SPTB: variants seen among roughly 807,000 people sequenced by gnomAD.
SPTB encodes the protein spectrin beta, erythrocytic, also known as spectrin beta chain, erythrocytic.
SPTB carries 45 observed loss-of-function variants against 256.2 expected under a neutral mutation model. The observed-to-expected ratio is 0.18, with a 90% CI of 0.14 to 0.23. The LOEUF is 0.23. SPTB is among the 10% of genes least tolerant of loss of function. The pLI, the probability that SPTB is intolerant of heterozygous loss-of-function variation, is 1.00. For missense variants in SPTB, 2,715 were observed against 3,040.4 expected, an observed-to-expected ratio of 0.89 and a Z score of 2.52; for synonymous variants, 1,231 against 1,243.1, an observed-to-expected ratio of 0.99 and a Z score of 0.21.
rs2082763132 is a variant in SPTB, at chr14:64,796,054, C to G, written c.1342-415G>C. 6.6e-6 allele frequency among the ~76,000 whole-genome samples: 1 copy of G among 152,174 alleles called. No individual in the cohort carries two copies. On this transcript the variant is annotated intron_variant, in intron 11 of 35. Coordinates refer to ENST00000644917, the MANE Select transcript of SPTB (RefSeq NM_001355436.2). This position sits in a 1 kb window ranked among gnomAD's most constrained non-coding sequence, Gnocchi z 4.1. ...GCTATCTGGGGTGCGCATACACTCT[C>G]CAGTGCTCTCAGAATACTTGTTGCC...
chr14:64,808,437 T>C (rs994282486), intron 2 of SPTB, among the ~76,000 whole-genome samples: 1 of 152,158 alleles, frequency 6.6e-6, no homozygotes. Flanking sequence ...AATTATTGTC[T>C]GAATATTGGG....
Position 64,749,446 on chromosome 14 carries a change from C to T in SPTB, c.6847G>A (p.Val2283Met), listed in dbSNP as rs766313135. 3.7e-6 allele frequency: 6 copies of T among 1,602,366 alleles called. No homozygotes were observed. The highest frequency in any genetic ancestry group is 1.7e-4 in the Middle Eastern group (1 of 5,948). Residue 2283 changes from valine (V) to methionine (M), a missense_variant, in exon 36 of 36, where the codon GTG becomes ATG. By Grantham distance (21) the Val-to-Met change is conservative. Around this residue, in one of 4 missense-constraint regions of SPTB, gnomAD observed 2,239 missense variants for 2,384.4 expected, o/e 0.94. Transcript: ENST00000644917. The surrounding 1 kb of genome is among the most constrained non-coding windows in gnomAD (Gnocchi z 4.7). ...TGGGACTCGTTGATGGCGGTGCTCA[C>T]GCCCTGCAGCCAGGACAGCATCTCC... ...EEEMLSWLQG[V>M]STAINESQSI...
rs1297831229 is a variant in SPTB, at chr14:64,866,998, G to GA, written c.-52+12793dup. ...TGAGGGTCAGCTTCAAACATTCACT[G>GA]AAAAATGAGGTGGGAGTGACTGTAT... On this transcript the variant is annotated intron_variant, in intron 1 of 35. Coordinates refer to ENST00000644917, the MANE Select transcript of SPTB (RefSeq NM_001355436.2). This position sits in a 1 kb window ranked among gnomAD's most constrained non-coding sequence, Gnocchi z 4.6. Among the ~76,000 whole-genome samples the GA allele has an allele frequency of 2.0e-5, 3 of 152,140 alleles. No homozygotes were observed. Among genetic ancestry groups the GA allele is most frequent in the African/African-American group, 7.2e-5 (3 of 41,434 alleles).
At chr14:64,869,986 C>A (rs1458466000) in intron 1 of SPTB, among the ~76,000 whole-genome samples, 1 of 151,968 alleles carries the variant, frequency 6.6e-6, no homozygotes, top group Non-Finnish European at 1.5e-5. Flanking sequence ...TAAAACATGG[C>A]TCTAGGTGCA....
At chr14:64,781,918 C>G (rs1343999325) in intron 20 of SPTB, among the ~76,000 whole-genome samples, 1 of 152,172 alleles carries the variant, frequency 6.6e-6, no homozygotes, top group Non-Finnish European at 1.5e-5. Flanking sequence ...TTTGTGGGAA[C>G]ATGGATGGAG....
chr14:64,802,125 G>T lies in SPTB; in HGVS notation c.566+101C>A. Reference sequence around the variant, plus strand: ...CATCAATTACAGGGAGGCAGCTGTAGTTCTGGGTGATGATGTCTAATGTCC... The same window carrying T: ...CATCAATTACAGGGAGGCAGCTGTATTTCTGGGTGATGATGTCTAATGTCC... On this transcript the variant is annotated intron_variant, in intron 5 of 35. Transcript: ENST00000644917. The surrounding 1 kb of genome is among the most constrained non-coding windows in gnomAD (Gnocchi z 5.1). The T allele has an allele frequency of 8.7e-7, 1 of 1,143,206 alleles. No individual in the cohort carries two copies. The highest frequency in any genetic ancestry group is 1.3e-6 in the Non-Finnish European group (1 of 763,694). 70.8% of individuals were successfully genotyped at this position (1,143,206 alleles called of 1,614,324 possible).
Position 64,797,885 on chromosome 14 carries a change from T to A in SPTB, c.1065-39A>T, listed in dbSNP as rs770310040. ...AGAAGTAGGAAGACTGATGTTAAGATCTCATGGCCAAATTTTTTTGCTAAA... is the reference window on the plus strand; with the variant it reads ...AGAAGTAGGAAGACTGATGTTAAGAACTCATGGCCAAATTTTTTTGCTAAA... On this transcript the variant is annotated intron_variant, in intron 9 of 35. Transcript: ENST00000644917. 5.2e-6 allele frequency: 8 copies of A among 1,529,306 alleles called. No individual in the cohort carries two copies. The East Asian group carries it at 1.8e-4, about 34-fold the overall frequency. The allele number at this position is 1,529,306 out of a possible 1,614,324, so 94.7% of individuals were successfully genotyped here. A position where few individuals can be genotyped will look rare whatever the true frequency, so the allele number is the denominator to read the frequency against.
At chr14:64,869,786 C>CT (rs34132510) in intron 1 of SPTB, among the ~76,000 whole-genome samples, 104,896 of 132,704 alleles carry the variant, frequency 0.79, 42,786 homozygotes, top group Non-Finnish European at 0.9. Context: ...CGATGCCCTG[C>CT]TTTTTTTTTT....
chr14:64,801,952 G>C, intron 5 of SPTB, 118 bp from the exon 6 acceptor site: 1 of 1,056,450 alleles, frequency 9.5e-7, no homozygotes, highest in Non-Finnish European at 1.5e-6. Flanking sequence ...CTTGAGCCAG[G>C]TCACCAAGAG....
rs1019606432 is a variant in SPTB, at chr14:64,802,019, A to AC, written c.567-186dup. On this transcript the variant is annotated intron_variant, in intron 5 of 35. Transcript: ENST00000644917. The surrounding 1 kb of genome is among the most constrained non-coding windows in gnomAD (Gnocchi z 5.1). The stretch of plus-strand genomic sequence containing the variant: ...CCCATCAGATGTGAACACCACACAG[A>AC]CCCCCCAGTCTGCCTGCAGGCAACT... Among the ~76,000 whole-genome samples, 42 of 152,130 alleles carry AC rather than the reference A, an allele frequency of 2.8e-4. No individual in the cohort carries two copies. The highest frequency in any genetic ancestry group is 3.9e-4 in the Admixed American group (6 of 15,282).
At position 64,787,306 on chromosome 14, in the gene SPTB, T is replaced by G. The variant is rs1028173521; in HGVS notation, c.2805-146A>C. ...ATAAAAAGAAAAAAAAAAATCTACC[T>G]AACGAAGTGTAGGTGAGCAAAATTC... On this transcript the variant is annotated intron_variant, in intron 15 of 35. Transcript: ENST00000644917. 3.7e-6 allele frequency: 4 copies of G among 1,086,928 alleles called. No homozygotes were observed. In the East Asian group the frequency reaches 1.0e-4, roughly 28 times the overall value. The allele number at this position is 1,086,928 out of a possible 1,614,324, so 67.3% of individuals were successfully genotyped here.
chr14:64,821,526 T>C lies in SPTB; in HGVS notation c.148+1421A>G, dbSNP rs554026624. ...CCCTCCACCTGGATCGCCAGGGTCA[T>C]TGCAGCTAGATCCAGCCAGCACAGA... On this transcript the variant is annotated intron_variant, in intron 2 of 35. Transcript: ENST00000644917. 6.6e-5 allele frequency among the ~76,000 whole-genome samples: 10 copies of C among 152,294 alleles called. No homozygotes were observed. In the South Asian group the frequency reaches 2.1e-3, roughly 32 times the overall value.
Position 64,784,349 on chromosome 14 carries a change from G to A in SPTB, c.3900C>T (p.Val1300=). 6.2e-7 allele frequency: 1 copy of A among 1,614,256 alleles called. No individual in the cohort carries two copies. Among genetic ancestry groups the A allele is most frequent in the African/African-American group, 1.3e-5 (1 of 75,064 alleles). ...INDKLLTSQD[V]SYDEARNLHN... Reference sequence around the variant, plus strand: ...GAAGGTTTCGTGCTTCATCATAGGAGACATCCTGAGATGTCAGCAGCTTGT... The same window carrying A: ...GAAGGTTTCGTGCTTCATCATAGGAAACATCCTGAGATGTCAGCAGCTTGT... Residue 1300 remains valine, a synonymous_variant, in exon 19 of 36, where the codon GTC becomes GTT. Coordinates refer to ENST00000644917, the MANE Select transcript of SPTB (RefSeq NM_001355436.2).
chr14:64,763,699 G>C (rs2082124927), intron 32 of SPTB: 1 of 517,078 alleles, frequency 1.9e-6, no homozygotes, highest in African/African-American at 1.9e-5. Context: ...TTCCCCTCCA[G>C]CAGTTTTGTC....
At chr14:64,833,476 T>C (rs1361909682) in intron 1 of SPTB, among the ~76,000 whole-genome samples, 1 of 150,750 alleles carries the variant, frequency 6.6e-6, no homozygotes, top group African/African-American at 2.4e-5. Flanking sequence ...TACTTGAACC[T>C]GGGAGGCAGA....
chr14:64,761,060 G>A (rs1480300106), intron 32 of SPTB, among the ~76,000 whole-genome samples: 1 of 152,192 alleles, frequency 6.6e-6, no homozygotes, highest in African/African-American at 2.4e-5. Context: ...GACGGGCTTG[G>A]GGCCAAACAA....
At chr14:64,773,177 G>A (rs745781624) in intron 25 of SPTB, 43 bp downstream of exon 25, 290 of 1,610,376 alleles carry the variant, frequency 1.8e-4, no homozygotes, top group Non-Finnish European at 2.3e-4. Flanking sequence ...TGCGTCTACC[G>A]CATTAGAGAA....
chr14:64,843,707 GGA>G (rs1217821214), intron 1 of SPTB, among the ~76,000 whole-genome samples: 5 of 152,246 alleles, frequency 3.3e-5, no homozygotes, highest in Non-Finnish European at 4.4e-5. Flanking sequence ...ACCACGACTG[GGA>G]GAGAAGAGTG....
intron 13 of SPTB, 79 bp downstream of exon 13, chr14:64,794,388 T>G: frequency 6.4e-7 from 1 of 1,572,328 alleles, no homozygotes; most frequent in Non-Finnish European, 8.7e-7. Flanking sequence ...TCCAGGAGAT[T>G]TATCCAAGTT....
Sources: allele counts gnomAD v4.1 joint callset (sites outside exome capture counted in the v4.1 genomes callset), GRCh38; gene constraint gnomAD v4.1.1; regional missense constraint gnomAD v4.1.1; non-coding constraint Gnocchi (gnomAD v3.1); transcripts MANE v1.5; gene names NCBI Gene and HGNC (gene_info 2026-07-23, HGNC 2026-07-21).